APOO: variants seen among roughly 807,000 people sequenced by gnomAD.
APOO encodes the protein apolipoprotein O.
APOO carries 11 observed loss-of-function variants against 23.1 expected under a neutral mutation model. That is an observed-to-expected ratio of 0.48 (90% confidence interval 0.30 to 0.79). The LOEUF is 0.79. Among genes scored for constraint, APOO ranks in the 30% least tolerant of loss-of-function variants. APOO has a pLI of 0.07. For synonymous variants in APOO, 59 were observed against 54.8 expected (o/e 1.08, Z -0.34); for missense variants, 160 against 142.7 (o/e 1.12, Z -0.62).
intron 1 of APOO, among the ~76,000 whole-genome samples, chrX:23,901,126 T>C (rs1927115430): frequency 8.9e-6 from 1 of 112,123 alleles, no homozygotes; most frequent in Non-Finnish European, 1.9e-5. Context: ...AGACAGGCAA[T>C]GTAAGTATTA....
intron 7 of APOO, among the ~76,000 whole-genome samples, chrX:23,852,969 A>G (rs1569229280): frequency 9.0e-6 from 1 of 110,690 alleles, no homozygotes; most frequent in Non-Finnish European, 1.9e-5. Flanking sequence ...TAAAAAAACA[A>G]AAACAAGGCC....
At chrX:23,847,803 T>TTATA (rs565273617) in intron 7 of APOO, among the ~76,000 whole-genome samples, 30 of 100,665 alleles carry the variant, frequency 3.0e-4, no homozygotes, top group South Asian at 1.3e-3. Flanking sequence ...CAGCCTATAA[T>TTATA]TATATATATA....
chrX:23,889,820 C>A (rs1484558065), intron 1 of APOO, among the ~76,000 whole-genome samples: 3 of 109,838 alleles, frequency 2.7e-5, no homozygotes, highest in African/African-American at 1.0e-4. Context: ...AGCCACCACG[C>A]CTGGCTAATT....
At chrX:23,880,417 T>C (rs866334042) in intron 2 of APOO, among the ~76,000 whole-genome samples, 1 of 112,220 alleles carries the variant, frequency 8.9e-6, no homozygotes, top group Middle Eastern at 4.6e-3. Context: ...AAATGTCTTC[T>C]GGCTGGGCGT....
chrX:23,880,063 T>C (rs773985925), intron 2 of APOO, among the ~76,000 whole-genome samples: 92 of 110,574 alleles, frequency 8.3e-4, no homozygotes, highest in African/African-American at 3.0e-3. Context: ...TTCTTGTTTT[T>C]TTTTTTTTTA....
At chrX:23,845,404 A>G (rs746642736) in intron 7 of APOO, among the ~76,000 whole-genome samples, 18 of 111,713 alleles carry the variant, frequency 1.6e-4, no homozygotes, top group Non-Finnish European at 2.8e-4. Flanking sequence ...TTTTAAGTGT[A>G]CAATACGGTA....
chrX:23,900,674 C>CAAAAAAA (rs967658475), intron 1 of APOO, among the ~76,000 whole-genome samples: 1 of 24,811 alleles, frequency 4.0e-5, no homozygotes, highest in African/African-American at 1.4e-4. Flanking sequence ...GACTCCGGCT[C>CAAAAAAA]AAAAAAAAAA....
At chrX:23,904,592 C>T (rs1024660865) in intron 1 of APOO, among the ~76,000 whole-genome samples, 2 of 105,747 alleles carry the variant, frequency 1.9e-5, no homozygotes, top group African/African-American at 6.9e-5. Flanking sequence ...CTGCAACCTC[C>T]GCCTCCCGGG....
At chrX:23,882,797 C>T (rs1202437506) in intron 1 of APOO, among the ~76,000 whole-genome samples, 5 of 110,695 alleles carry the variant, frequency 4.5e-5, no homozygotes, top group African/African-American at 1.6e-4. Context: ...CAGGCATGCA[C>T]CACCATGTCC....
intron 1 of APOO, among the ~76,000 whole-genome samples, chrX:23,890,773 G>A (rs1376489572): frequency 8.9e-6 from 1 of 111,763 alleles, no homozygotes; most frequent in Admixed American, 9.6e-5. Flanking sequence ...GGTAGGTTAG[G>A]TGTGTTAATT....
At chrX:23,852,981 G>A (rs1257758098) in intron 7 of APOO, among the ~76,000 whole-genome samples, 1 of 110,426 alleles carries the variant, frequency 9.1e-6, no homozygotes, top group Admixed American at 9.8e-5. Flanking sequence ...AACAAGGCCG[G>A]GCGTGGTGGC....
At chrX:23,843,315 C>A (rs958815914) in intron 7 of APOO, among the ~76,000 whole-genome samples, 3 of 111,056 alleles carry the variant, frequency 2.7e-5, no homozygotes, top group Admixed American at 9.7e-5. Context: ...ACAGCACAGT[C>A]CAATATCTCA....
At chrX:23,839,870 C>G (rs1238286830) in intron 8 of APOO, among the ~76,000 whole-genome samples, 1 of 111,407 alleles carries the variant, frequency 9.0e-6, no homozygotes, top group Non-Finnish European at 1.9e-5. Flanking sequence ...TTACAGTCTT[C>G]TAATTACCAG....
chrX:23,891,790 A>G (rs1369846415), intron 1 of APOO, among the ~76,000 whole-genome samples: 2 of 110,124 alleles, frequency 1.8e-5, no homozygotes, highest in African/African-American at 6.6e-5. Flanking sequence ...CACTTACAGT[A>G]TCTTACCCTT....
chrX:23,842,949 A>G (rs771759914), intron 7 of APOO, among the ~76,000 whole-genome samples: 8 of 112,203 alleles, frequency 7.1e-5, no homozygotes, highest in South Asian at 3.7e-4. Context: ...CGGAGGTTGC[A>G]GTGAGCCAAG....
intron 5 of APOO, among the ~76,000 whole-genome samples, 181 bp downstream of exon 5, chrX:23,868,412 G>A (rs1925439167): frequency 8.9e-6 from 1 of 111,845 alleles, no homozygotes; most frequent in South Asian, 3.7e-4. Context: ...TTTACCAAGA[G>A]TATACAATTT....
At chrX:23,845,993 CTG>C (rs1366677445) in intron 7 of APOO, among the ~76,000 whole-genome samples, 8 of 111,960 alleles carry the variant, frequency 7.1e-5, no homozygotes, top group Non-Finnish European at 1.3e-4. Flanking sequence ...AGACATACTG[CTG>C]TGTTTAGCTA....
At chrX:23,836,160 T>C (rs1354927073) in intron 8 of APOO, among the ~76,000 whole-genome samples, 1 of 112,716 alleles carries the variant, frequency 8.9e-6, no homozygotes, top group African/African-American at 3.2e-5. Flanking sequence ...AGACGGAGTC[T>C]CTCTCTGTTG....
intron 4 of APOO, among the ~76,000 whole-genome samples, chrX:23,873,475 C>T (rs1925710458): frequency 9.1e-6 from 1 of 110,308 alleles, no homozygotes; most frequent in Admixed American, 9.8e-5. Context: ...GATGTGGTGG[C>T]ACACGCTTGT....
Sources: gnomAD v4.1 joint callset for allele counts (sites outside exome capture counted in the v4.1 genomes callset) on GRCh38, gnomAD v4.1.1 for gene constraint, MANE v1.5 for transcripts, NCBI Gene and HGNC (gene_info 2026-07-23, HGNC 2026-07-21) for gene names.